THAP12: variants seen among roughly 807,000 people sequenced by gnomAD.
The protein encoded by THAP12 is THAP domain containing 12.
THAP12 carries 20 observed loss-of-function variants against 63.0 expected under a neutral mutation model. That is an observed-to-expected ratio of 0.32 (90% CI 0.22 to 0.46). THAP12 has a LOEUF of 0.46. THAP12 is among the 20% of genes least tolerant of loss of function. The pLI, the probability that THAP12 is intolerant of heterozygous loss-of-function variation, is 1.00. For missense variants in THAP12, 568 were observed against 908.2 expected, an observed-to-expected ratio of 0.63 and a Z score of 4.81; for synonymous variants, 264 against 328.4, an observed-to-expected ratio of 0.80 and a Z score of 2.12.
chr11:76,370,183 C>G (rs914413061), intron 1 of THAP12, among the ~76,000 whole-genome samples: 6 of 152,294 alleles, frequency 3.9e-5, no homozygotes, highest in African/African-American at 1.2e-4. Context: ...TATGTGAAGT[C>G]ACAGTGGCTA....
chr11:76,380,910 CG>C lies in THAP12; in HGVS notation c.-75del. On this transcript the variant is annotated 5_prime_UTR_variant, in exon 1 of 5. Coordinates refer to ENST00000260045, the MANE Select transcript of THAP12 (RefSeq NM_004705.4). ...GGGCAGTCCGCCCGCCCGTCGGGGC[CG>C]GGGAGGGGAGCCAGGCCGGCCGGCC... 1 of 466,104 alleles carries C rather than the reference CG, an allele frequency of 2.1e-6. No homozygotes were observed. The highest frequency in any genetic ancestry group is 2.9e-6 in the Non-Finnish European group (1 of 347,682). 28.9% of individuals were successfully genotyped at this position (466,104 alleles called of 1,614,324 possible).
chr11:76,354,332 G>A (rs1434473354), intron 4 of THAP12, among the ~76,000 whole-genome samples: 7 of 152,156 alleles, frequency 4.6e-5, no homozygotes, highest in Non-Finnish European at 1.0e-4. Flanking sequence ...TCTATACTAG[G>A]GAGGCTTCCC....
intron 4 of THAP12, among the ~76,000 whole-genome samples, chr11:76,353,198 A>G (rs1946539524): frequency 6.6e-6 from 1 of 152,204 alleles, no homozygotes; most frequent in Admixed American, 6.5e-5. Context: ...TTTTTAAAAT[A>G]CACTTAACAA....
intron 3 of THAP12, chr11:76,359,027 T>G (rs1335727112): frequency 1.3e-5 from 2 of 152,164 alleles, no homozygotes; most frequent in Non-Finnish European, 2.9e-5. Flanking sequence ...AATTTCTCCT[T>G]ATTTGCAGAT....
At chr11:76,365,105 A>G (rs1946622076) in intron 2 of THAP12, among the ~76,000 whole-genome samples, 1 of 152,042 alleles carries the variant, frequency 6.6e-6, no homozygotes, top group Admixed American at 6.6e-5. Flanking sequence ...ACATGGAGAA[A>G]TCCCACCTCT....
intron 1 of THAP12, among the ~76,000 whole-genome samples, chr11:76,368,196 C>G (rs924943672): frequency 6.6e-6 from 1 of 152,176 alleles, no homozygotes; most frequent in Admixed American, 6.5e-5. Context: ...CAATCAAGAA[C>G]AGAATGGGCA....
At chr11:76,368,886 A>C (rs1283771587) in intron 1 of THAP12, among the ~76,000 whole-genome samples, 1 of 152,248 alleles carries the variant, frequency 6.6e-6, no homozygotes, top group Non-Finnish European at 1.5e-5. Flanking sequence ...CAAATGCTAG[A>C]GGAAAAGATA....
At chr11:76,363,520 C>T (rs1332953123) in intron 2 of THAP12, among the ~76,000 whole-genome samples, 1 of 152,132 alleles carries the variant, frequency 6.6e-6, no homozygotes, top group Non-Finnish European at 1.5e-5. Context: ...CTGATGAGAT[C>T]TTCAATGCCA....
intron 1 of THAP12, among the ~76,000 whole-genome samples, chr11:76,367,372 G>A (rs1439773083): frequency 2.0e-5 from 3 of 151,916 alleles, no homozygotes; most frequent in East Asian, 1.9e-4. Flanking sequence ...CACCGCGCCC[G>A]GCCCATTCCT....
Position 76,350,662 on chromosome 11 carries a change from A to T in THAP12, c.*202T>A. 1 of 493,192 alleles carries T rather than the reference A, an allele frequency of 2.0e-6. No homozygotes were observed. The highest frequency in any genetic ancestry group is 3.2e-6 in the Non-Finnish European group (1 of 311,536). 30.6% of individuals were successfully genotyped at this position (493,192 alleles called of 1,614,324 possible). A position where few individuals can be genotyped will look rare whatever the true frequency, so the allele number is the denominator to read the frequency against. ...ACGCAAAAGGAAACATGGCACTTTC[A>T]ACGTTCTCTTCTGGAAGAACAGGTA... On this transcript the variant is annotated 3_prime_UTR_variant, in exon 5 of 5. Coordinates refer to ENST00000260045, the MANE Select transcript of THAP12 (RefSeq NM_004705.4).
intron 3 of THAP12, 102 bp downstream of exon 3, chr11:76,360,854 G>GA (rs1946593318): frequency 3.8e-6 from 3 of 784,174 alleles, no homozygotes; most frequent in African/African-American, 1.7e-5. Context: ...CATTACCTCT[G>GA]AAATAGAGAG....
chr11:76,380,460 A>T (rs1946746608), intron 1 of THAP12, among the ~76,000 whole-genome samples: 1 of 152,168 alleles, frequency 6.6e-6, no homozygotes, highest in Non-Finnish European at 1.5e-5. Flanking sequence ...CACGGCGAGA[A>T]CCCACAGCAT....
In THAP12 at chr11:76,360,987, T is replaced by C. The variant is rs776845648; in HGVS notation, c.287A>G (p.His96Arg). 2 of 1,608,726 alleles carry C rather than the reference T, an allele frequency of 1.2e-6. No homozygotes were observed. Among genetic ancestry groups the C allele is most frequent in the South Asian group, 1.1e-5 (1 of 90,922 alleles). The change falls in exon 3 of 5, where the codon CAT becomes CGT. Residue 96 changes from histidine to arginine, a missense_variant. By Grantham distance (29) the His-to-Arg change is conservative. Transcript: ENST00000260045. ...FDLTSHLNNP[H>R]SRHRKRIKEL... ...TTTTATTCGTTTTCTGTGTCTACTATGTGGGTTGTTCAAATGACTGGTAAG... is the reference window on the plus strand; with the variant it reads ...TTTTATTCGTTTTCTGTGTCTACTACGTGGGTTGTTCAAATGACTGGTAAG...
At chr11:76,373,115 C>T (rs898543812) in intron 1 of THAP12, among the ~76,000 whole-genome samples, 6 of 152,070 alleles carry the variant, frequency 3.9e-5, no homozygotes, top group African/African-American at 1.4e-4. Context: ...AGAGCAGTGC[C>T]TGTCACAAAG....
chr11:76,363,635 C>T (rs1458481732), intron 2 of THAP12, among the ~76,000 whole-genome samples: 3 of 152,208 alleles, frequency 2.0e-5, no homozygotes, highest in Non-Finnish European at 4.4e-5. Context: ...GTCACCAAGG[C>T]TGAAGTGCAG....
At chr11:76,368,073 G>GT (rs1946644805) in intron 1 of THAP12, among the ~76,000 whole-genome samples, 1 of 152,132 alleles carries the variant, frequency 6.6e-6, no homozygotes, top group Admixed American at 6.5e-5. Context: ...ACAGTTGTTT[G>GT]TTTTTTAAAT....
chr11:76,378,762 T>C (rs1188646726), intron 1 of THAP12, among the ~76,000 whole-genome samples: 3 of 152,042 alleles, frequency 2.0e-5, no homozygotes, highest in African/African-American at 7.2e-5. Flanking sequence ...CACGCACCAC[T>C]GGGCTCAGCT....
chr11:76,368,832 T>C (rs985835553), intron 1 of THAP12, among the ~76,000 whole-genome samples: 5 of 152,178 alleles, frequency 3.3e-5, no homozygotes, highest in East Asian at 3.8e-4. Context: ...ACACAGGAGA[T>C]TATCTTCATG....
chr11:76,375,909 T>C (rs1367142390), intron 1 of THAP12, among the ~76,000 whole-genome samples: 1 of 152,192 alleles, frequency 6.6e-6, no homozygotes, highest in East Asian at 1.9e-4. Context: ...GAGGTTTGAT[T>C]TGGATAAAAA....
Sources: allele counts gnomAD v4.1 joint callset (sites outside exome capture counted in the v4.1 genomes callset), GRCh38; gene constraint gnomAD v4.1.1; transcripts MANE v1.5; gene names NCBI Gene and HGNC (gene_info 2026-07-23, HGNC 2026-07-21).